CTXND1: variants seen among roughly 807,000 people sequenced by gnomAD.
CTXND1 encodes the protein cortexin domain containing 1.
intron 1 of CTXND1, among the ~76,000 whole-genome samples, chr15:80,232,261 C>T (rs1893439810): frequency 6.6e-6 from 1 of 152,148 alleles, no homozygotes; most frequent in Admixed American, 6.5e-5. Context: ...GCATACCTCC[C>T]TGCCCCCGAT....
chr15:80,239,236 A>G (rs3974512), intron 1 of CTXND1, among the ~76,000 whole-genome samples: 26,369 of 151,924 alleles, frequency 0.17, 2,700 homozygotes, highest in East Asian at 0.31. Context: ...GGTCCCTTAT[A>G]TGGTCTCTTG....
chr15:80,242,156 C>T (rs1893575806), intron 1 of CTXND1, among the ~76,000 whole-genome samples: 1 of 152,166 alleles, frequency 6.6e-6, no homozygotes, highest in Non-Finnish European at 1.5e-5. Flanking sequence ...AGAGGCTGCA[C>T]TTTGACCTGC....
chr15:80,246,341 T>C (rs979690181), intron 1 of CTXND1, among the ~76,000 whole-genome samples: 11 of 152,182 alleles, frequency 7.2e-5, no homozygotes, highest in Non-Finnish European at 1.3e-4. Context: ...TTATGGACTT[T>C]TGTTGTGGAA....
chr15:80,209,126 C>T (rs1163827404), intron 1 of CTXND1, among the ~76,000 whole-genome samples: 2 of 152,142 alleles, frequency 1.3e-5, no homozygotes, highest in African/African-American at 2.4e-5. Flanking sequence ...GGTCCTATAA[C>T]CTGGTGACAT....
At chr15:80,212,348 A>T (rs1893211203) in intron 1 of CTXND1, among the ~76,000 whole-genome samples, 1 of 152,240 alleles carries the variant, frequency 6.6e-6, no homozygotes, top group Admixed American at 6.5e-5. Context: ...TTCTGTATTT[A>T]TTCCATACTT....
rs533904766 is a variant in CTXND1, at chr15:80,201,678, G to A, written c.*92C>T. The A allele has an allele frequency of 1.9e-4, 77 of 397,982 alleles. No homozygotes were observed. Among genetic ancestry groups the A allele is most frequent in the Non-Finnish European group, 2.2e-4 (49 of 226,140 alleles). The allele number at this position is 397,982 out of a possible 1,614,324, so 24.7% of individuals were successfully genotyped here. On this transcript the variant is annotated 3_prime_UTR_variant, in exon 3 of 3. Transcript: ENST00000560778. Reference sequence around the variant, plus strand: ...GTGGCCAGATTCATTCCTTGCCTCTGTGGGATGGCAGGCTGGCAGGGAACA... The same window carrying A: ...GTGGCCAGATTCATTCCTTGCCTCTATGGGATGGCAGGCTGGCAGGGAACA...
intron 1 of CTXND1, among the ~76,000 whole-genome samples, chr15:80,216,660 G>C (rs1366357597): frequency 6.6e-6 from 1 of 151,862 alleles, no homozygotes; most frequent in Non-Finnish European, 1.5e-5. Flanking sequence ...GCTCTCCCAG[G>C]CTGGAGTGCA....
At chr15:80,238,586 G>A (rs1377317969) in intron 1 of CTXND1, among the ~76,000 whole-genome samples, 3 of 150,916 alleles carry the variant, frequency 2.0e-5, no homozygotes, top group Admixed American at 1.3e-4. Context: ...CCAGGTTCAC[G>A]CCATTCTCCT....
At position 80,221,152 on chromosome 15, in the gene CTXND1, G is replaced by A. The variant is rs553581075; in HGVS notation, c.-217-17412C>T. Among the ~76,000 whole-genome samples the A allele has an allele frequency of 3.7e-4, 56 of 151,864 alleles. No individual in the cohort carries two copies. The South Asian group carries it at 4.2e-3, about 11-fold the overall frequency. On this transcript the variant is annotated intron_variant, in intron 1 of 2. Coordinates refer to ENST00000560778, the MANE Select transcript of CTXND1 (RefSeq NM_001352888.2). ...TTTCGATTTGCTGACCTCGTGATCC[G>A]CCCGCCTCGGCCTCCCAAAGTGCTG...
chr15:80,217,709 G>A (rs957132920), intron 1 of CTXND1, among the ~76,000 whole-genome samples: 1 of 151,864 alleles, frequency 6.6e-6, no homozygotes, highest in African/African-American at 2.4e-5. Flanking sequence ...ACCATACCGG[G>A]CTAATTCTTG....
At chr15:80,211,545 A>C (rs1046514412) in intron 1 of CTXND1, among the ~76,000 whole-genome samples, 1 of 152,110 alleles carries the variant, frequency 6.6e-6, no homozygotes, top group Non-Finnish European at 1.5e-5. Flanking sequence ...CAGGCCTGTC[A>C]GGGGGAGGTG....
chr15:80,246,121 T>C (rs1286395852), intron 1 of CTXND1, among the ~76,000 whole-genome samples: 2 of 152,162 alleles, frequency 1.3e-5, no homozygotes, highest in Non-Finnish European at 2.9e-5. Flanking sequence ...AACATTTTCC[T>C]CCCAAAAAGT....
intron 1 of CTXND1, among the ~76,000 whole-genome samples, chr15:80,229,054 C>A (rs1354550106): frequency 2.0e-5 from 3 of 152,150 alleles, no homozygotes; most frequent in African/African-American, 7.2e-5. Flanking sequence ...AATCTGAACA[C>A]TCCTGGTCCC....
At position 80,245,427 on chromosome 15, in the gene CTXND1, T is replaced by C. The variant is rs12324714; in HGVS notation, c.-218+6580A>G. ...TGACTGGGTTCAGCTGGGCAGCTCT[T>C]GCATGGAGCTCTATCATGCAGTTAC... On this transcript the variant is annotated intron_variant, in intron 1 of 2. Coordinates refer to ENST00000560778, the MANE Select transcript of CTXND1 (RefSeq NM_001352888.2). Among the ~76,000 whole-genome samples, 934 of 152,330 alleles carry C rather than the reference T, an allele frequency of 6.1e-3. 10 individuals are homozygous for C. The highest frequency in any genetic ancestry group is 0.021 in the African/African-American group (871 of 41,578).
In CTXND1 at chr15:80,220,244, G is replaced by GT. The variant is rs371771226; in HGVS notation, c.-217-16505dup. On this transcript the variant is annotated intron_variant, in intron 1 of 2. Coordinates refer to ENST00000560778, the MANE Select transcript of CTXND1 (RefSeq NM_001352888.2). ...TTAGGTTTATAATCCATCTGAGATAGTTTTTTTCATGTGGGGGGTTTATAT... is the reference window on the plus strand; with the variant it reads ...TTAGGTTTATAATCCATCTGAGATAGTTTTTTTTCATGTGGGGGGTTTATAT... Among the ~76,000 whole-genome samples, 165 of 151,986 alleles carry GT rather than the reference G, an allele frequency of 1.1e-3. 1 individual carries two copies. The highest frequency in any genetic ancestry group is 2.9e-3 in the African/African-American group (122 of 41,468).
In CTXND1 at chr15:80,199,977, C is replaced by G. The variant is rs943282659; in HGVS notation, c.*1793G>C. 4.6e-5 allele frequency: 7 copies of G among 152,204 alleles called. No individual in the cohort carries two copies. The highest frequency in any genetic ancestry group is 4.6e-4 in the Admixed American group (7 of 15,284). 9.4% of individuals were successfully genotyped at this position (152,204 alleles called of 1,614,324 possible). The stretch of plus-strand genomic sequence containing the variant: ...TCAGAGGAAGGGGAGCTCAGGTGCT[C>G]TCATTTAACTTCGTACCATGTTATG... On this transcript the variant is annotated 3_prime_UTR_variant, in exon 3 of 3. Transcript: ENST00000560778.
intron 1 of CTXND1, among the ~76,000 whole-genome samples, chr15:80,236,011 A>G (rs556029341): frequency 2.0e-5 from 3 of 146,644 alleles, no homozygotes; most frequent in Non-Finnish European, 4.5e-5. Context: ...TGTGCTGGGA[A>G]CCATACTAGA....
At chr15:80,232,241 C>T (rs1449477882) in intron 1 of CTXND1, among the ~76,000 whole-genome samples, 1 of 152,064 alleles carries the variant, frequency 6.6e-6, no homozygotes, top group Non-Finnish European at 1.5e-5. Flanking sequence ...AGAGATAACC[C>T]TTGGCTTCTG....
chr15:80,207,819 A>G (rs76550147), intron 1 of CTXND1, among the ~76,000 whole-genome samples: 374 of 152,340 alleles, frequency 2.5e-3, no homozygotes, highest in Middle Eastern at 0.017. Context: ...CAATATTCCT[A>G]GGGTGTTGCA....
Sources: gnomAD v4.1 joint callset for allele counts (sites outside exome capture counted in the v4.1 genomes callset) on GRCh38, gnomAD v4.1.1 for gene constraint, MANE v1.5 for transcripts, NCBI Gene and HGNC (gene_info 2026-07-23, HGNC 2026-07-21) for gene names.